The following SNX25 variants were observed in gnomAD, a reference collection of about 807,000 sequenced individuals.
The protein encoded by SNX25 is sorting nexin-25.
A neutral mutation model predicts 113.7 loss-of-function variants in SNX25; 62 were observed. The ratio of observed to expected loss-of-function variants is 0.55; its 90% confidence interval spans 0.44 to 0.67. The LOEUF is 0.67. Among genes scored for constraint, SNX25 ranks in the 30% least tolerant of loss-of-function variants. The probability of loss-of-function intolerance (pLI) is 0.00; values close to 1 mark genes in which losing one functional copy is unlikely to be tolerated. For synonymous variants in SNX25, 421 were observed against 436.2 expected, an observed-to-expected ratio of 0.97 and a Z score of 0.43; for missense variants, 1,014 against 1,161.0, an observed-to-expected ratio of 0.87 and a Z score of 1.84.
At chr4:185,331,070 C>G (rs1024801719) in intron 9 of SNX25, among the ~76,000 whole-genome samples, 3 of 152,158 alleles carry the variant, frequency 2.0e-5, no homozygotes, top group Admixed American at 6.5e-5. Context: ...GAAATGTCTA[C>G]CTTCACCTCG....
rs557762078 is a variant in SNX25 at position 185,220,698 on chromosome 4, T to C, written c.429+10443T>C. On this transcript the variant is annotated intron_variant, in intron 1 of 18. Transcript: ENST00000652585. Reference sequence around the variant, plus strand: ...GGTTTCACCATGTTAGCCAGGATGGTCTCGATCTCCTGACCTTGTGATCCG... The same window carrying C: ...GGTTTCACCATGTTAGCCAGGATGGCCTCGATCTCCTGACCTTGTGATCCG... Among the ~76,000 whole-genome samples, 344 of 152,120 alleles carry C rather than the reference T, an allele frequency of 2.3e-3. 1 individual carries two copies. The highest frequency in any genetic ancestry group is 4.0e-3 in the Non-Finnish European group (273 of 67,992).
At chr4:185,245,868 A>T (rs1372528956) in intron 1 of SNX25, among the ~76,000 whole-genome samples, 1 of 152,234 alleles carries the variant, frequency 6.6e-6, no homozygotes, top group Admixed American at 6.5e-5. Context: ...ATTGACGTAT[A>T]TATAAAAACT....
Position 185,339,492 on chromosome 4 carries a change from C to T in SNX25, c.2028C>T (p.Ala676=). The T allele has an allele frequency of 1.2e-6, 2 of 1,613,792 alleles. No individual in the cohort carries two copies. The highest frequency in any genetic ancestry group is 2.2e-5 in the South Asian group (2 of 91,040). The change falls in exon 11 of 19, where the codon GCC becomes GCT. Residue 676 remains alanine, a synonymous_variant. Transcript: ENST00000652585. Reference sequence around the variant, plus strand: ...GTGAAAACCTTGGCATGTGGAAAGCCTCCATCACCAGTGGAGAGGTAGTTT... The same window carrying T: ...GTGAAAACCTTGGCATGTGGAAAGCTTCCATCACCAGTGGAGAGGTAGTTT... The part of the protein sequence containing the change: ...WWCENLGMWK[A]SITSGEVTEE...
intron 1 of SNX25, among the ~76,000 whole-genome samples, chr4:185,216,806 C>T (rs146867913): frequency 0.059 from 8,926 of 152,006 alleles, 378 homozygotes; most frequent in East Asian, 0.17. Flanking sequence ...CAGCTGTGAG[C>T]CACCTCGCCC....
At chr4:185,215,684 T>G (rs1300847140) in intron 1 of SNX25, among the ~76,000 whole-genome samples, 3 of 152,194 alleles carry the variant, frequency 2.0e-5, no homozygotes, top group Non-Finnish European at 4.4e-5. Context: ...GCGTTTTAAC[T>G]GGGGGATTTC....
chr4:185,240,497 G>T (rs1174685411), intron 1 of SNX25, among the ~76,000 whole-genome samples: 1 of 150,606 alleles, frequency 6.6e-6, no homozygotes, highest in Non-Finnish European at 1.5e-5. Context: ...TCACCTCCCG[G>T]ATGGGGCGGC....
At chr4:185,246,892 G>A (rs971433489) in intron 1 of SNX25, among the ~76,000 whole-genome samples, 5 of 152,098 alleles carry the variant, frequency 3.3e-5, no homozygotes, top group African/African-American at 1.2e-4. Flanking sequence ...ATGTAAGACC[G>A]TAACCTTTTA....
chr4:185,288,106 A>G, intron 6 of SNX25, 24 bp downstream of exon 6: 5 of 1,601,434 alleles, frequency 3.1e-6, no homozygotes, highest in East Asian at 4.5e-5. Context: ...TGTTTTCTTC[A>G]GTTCCACATC....
chr4:185,309,483 T>A (rs1370172115), intron 6 of SNX25, among the ~76,000 whole-genome samples: 1 of 152,250 alleles, frequency 6.6e-6, no homozygotes, highest in Non-Finnish European at 1.5e-5. Flanking sequence ...TGTCCAGAGT[T>A]GAGTTAGCAT....
intron 6 of SNX25, among the ~76,000 whole-genome samples, chr4:185,297,028 G>A (rs1455339780): frequency 8.6e-5 from 13 of 151,990 alleles, no homozygotes; most frequent in African/African-American, 1.7e-4. Flanking sequence ...CTGGGCTAAC[G>A]CTCCCTGTCT....
chr4:185,237,073 T>C (rs1266424116), intron 1 of SNX25, among the ~76,000 whole-genome samples: 4 of 152,178 alleles, frequency 2.6e-5, no homozygotes, highest in African/African-American at 9.6e-5. Flanking sequence ...AACAGTAATA[T>C]GAGAAAACTT....
intron 1 of SNX25, among the ~76,000 whole-genome samples, chr4:185,217,081 G>A (rs1221476054): frequency 1.3e-5 from 2 of 152,146 alleles, no homozygotes; most frequent in Non-Finnish European, 2.9e-5. Flanking sequence ...AGGAGTGATA[G>A]CATCAGAGCT....
chr4:185,226,345 A>G (rs1017291651), intron 1 of SNX25, among the ~76,000 whole-genome samples: 2 of 152,226 alleles, frequency 1.3e-5, no homozygotes, highest in East Asian at 3.8e-4. Context: ...ACTGTGATTC[A>G]TTAACACTTA....
At chr4:185,222,626 C>T (rs1022808573) in intron 1 of SNX25, among the ~76,000 whole-genome samples, 1 of 152,200 alleles carries the variant, frequency 6.6e-6, no homozygotes, top group South Asian at 2.1e-4. Context: ...ATTTGGATGG[C>T]TCCTGGTGTT....
chr4:185,273,872 C>T (rs1177559914), intron 5 of SNX25, among the ~76,000 whole-genome samples: 7 of 152,026 alleles, frequency 4.6e-5, no homozygotes, highest in Non-Finnish European at 7.4e-5. Context: ...GCAGGCAGTC[C>T]GGGACTTGTG....
Position 185,339,361 on chromosome 4 carries a change from A to G in SNX25, c.1915-18A>G, listed in dbSNP as rs374073816. 1 of 1,612,810 alleles carries G rather than the reference A, an allele frequency of 6.2e-7. No homozygotes were observed. Among genetic ancestry groups the G allele is most frequent in the African/African-American group, 1.3e-5 (1 of 74,900 alleles). ...TTTAAGTGTTTTCATAACTCCCAGG[A>G]TATTTTCCCTGTGGCAGATTGTTTC... is the stretch of plus-strand genomic sequence containing the variant. On this transcript the variant is annotated intron_variant, in intron 10 of 18. Coordinates refer to ENST00000652585, the MANE Select transcript of SNX25 (RefSeq NM_001378034.2).
At chr4:185,282,884 A>G (rs1034467821) in intron 5 of SNX25, among the ~76,000 whole-genome samples, 1 of 152,236 alleles carries the variant, frequency 6.6e-6, no homozygotes, top group African/African-American at 2.4e-5. Flanking sequence ...CTGGAGAAAG[A>G]AAACCGAGTG....
At chr4:185,257,423 A>G (rs1348880470) in intron 2 of SNX25, among the ~76,000 whole-genome samples, 1 of 152,190 alleles carries the variant, frequency 6.6e-6, no homozygotes, top group East Asian at 1.9e-4. Flanking sequence ...ACCACTAGAC[A>G]GCGGCTATAG....
intron 1 of SNX25, among the ~76,000 whole-genome samples, chr4:185,212,493 T>TTTTG (rs1297734890): frequency 9.1e-5 from 7 of 77,080 alleles, no homozygotes; most frequent in African/African-American, 1.4e-4. Flanking sequence ...GTGTGTGTGT[T>TTTTG]TTTTTTTTTT....
Sources: allele counts gnomAD v4.1 joint callset (sites outside exome capture counted in the v4.1 genomes callset), GRCh38; gene constraint gnomAD v4.1.1; transcripts MANE v1.5; gene names NCBI Gene and HGNC (gene_info 2026-07-23, HGNC 2026-07-21).